Variants in CPPED1 observed in about 807,000 individuals in gnomAD.
The protein encoded by CPPED1 is serine/threonine-protein phosphatase CPPED1.
A neutral mutation model predicts 28.0 loss-of-function variants in CPPED1; 28 were observed. That is an observed-to-expected ratio of 1.00 (90% CI 0.74 to 1.37). The LOEUF is 1.37. Among genes scored for constraint, CPPED1 ranks in the 40% most tolerant of loss-of-function variants. The probability of loss-of-function intolerance (pLI) is 0.00; values close to 1 mark genes in which losing one functional copy is unlikely to be tolerated. For missense variants in CPPED1, 504 were observed against 416.5 expected (o/e 1.21, Z -1.83); for synonymous variants, 198 against 180.2 (o/e 1.10, Z -0.79).
chr16:12,701,662 G>A (rs2080021568), intron 3 of CPPED1, among the ~76,000 whole-genome samples: 1 of 152,158 alleles, frequency 6.6e-6, no homozygotes, highest in Admixed American at 6.5e-5. Flanking sequence ...GGGGTGGAGG[G>A]AAGCCTCATG....
intron 1 of CPPED1, among the ~76,000 whole-genome samples, chr16:12,802,332 T>A (rs1374562947): frequency 1.3e-5 from 2 of 152,180 alleles, no homozygotes; most frequent in Non-Finnish European, 2.9e-5. Flanking sequence ...CCGGGCGCGG[T>A]GGCTCAGGTC....
chr16:12,765,137 T>C (rs1233294280), intron 2 of CPPED1, among the ~76,000 whole-genome samples: 1 of 152,250 alleles, frequency 6.6e-6, no homozygotes, highest in Non-Finnish European at 1.5e-5. Context: ...CCAGAGAATT[T>C]ATGGAGCCAT....
intron 2 of CPPED1, among the ~76,000 whole-genome samples, chr16:12,710,557 C>T (rs2080074865): frequency 6.6e-6 from 1 of 151,252 alleles, no homozygotes; most frequent in African/African-American, 2.4e-5. Flanking sequence ...AAGTGCAAAC[C>T]ACAGAATGGG....
intron 1 of CPPED1, among the ~76,000 whole-genome samples, chr16:12,783,371 TC>T (rs1395488859): frequency 6.6e-6 from 1 of 151,784 alleles, no homozygotes; most frequent in East Asian, 1.9e-4. Flanking sequence ...TGGTGGTGCA[TC>T]CCTATAGTCT....
chr16:12,713,687 A>G (rs2080092009), intron 2 of CPPED1, among the ~76,000 whole-genome samples: 1 of 152,132 alleles, frequency 6.6e-6, no homozygotes, highest in Non-Finnish European at 1.5e-5. Context: ...CAATCTTACT[A>G]AAATATGATA....
chr16:12,687,544 G>A (rs1006926934), intron 3 of CPPED1, among the ~76,000 whole-genome samples: 4 of 152,164 alleles, frequency 2.6e-5, no homozygotes, highest in Admixed American at 2.0e-4. Flanking sequence ...GCTGAGGTGG[G>A]CAGATCACTT....
At chr16:12,785,250 T>C (rs1016405134) in intron 1 of CPPED1, among the ~76,000 whole-genome samples, 4 of 152,154 alleles carry the variant, frequency 2.6e-5, no homozygotes, top group South Asian at 2.1e-4. Context: ...TGAATTGTGT[T>C]TTTTTAATTT....
At chr16:12,727,497 C>T (rs369468312) in intron 2 of CPPED1, among the ~76,000 whole-genome samples, 20 of 152,078 alleles carry the variant, frequency 1.3e-4, no homozygotes, top group East Asian at 7.7e-4. Context: ...AGACCACAGG[C>T]GTATACCACC....
chr16:12,773,739 T>TA (rs1439925317), intron 2 of CPPED1, among the ~76,000 whole-genome samples: 3 of 151,918 alleles, frequency 2.0e-5, no homozygotes. Context: ...TAAAAATACA[T>TA]AAAAATACAC....
At chr16:12,675,974 C>T (rs1054202563) in intron 3 of CPPED1, among the ~76,000 whole-genome samples, 6 of 152,164 alleles carry the variant, frequency 3.9e-5, no homozygotes, top group African/African-American at 1.4e-4. Flanking sequence ...AAAGGGGAAG[C>T]GACAGATGTT....
At chr16:12,786,821 G>A (rs988424578) in intron 1 of CPPED1, among the ~76,000 whole-genome samples, 1 of 152,132 alleles carries the variant, frequency 6.6e-6, no homozygotes, top group Non-Finnish European at 1.5e-5. Flanking sequence ...CAGGAGGCCG[G>A]AGAATCTCTT....
chr16:12,801,340 G>A (rs1046282019), intron 1 of CPPED1, among the ~76,000 whole-genome samples: 4 of 152,168 alleles, frequency 2.6e-5, no homozygotes, highest in Admixed American at 6.5e-5. Context: ...TGATCCACCC[G>A]CCTCAGTCTC....
intron 2 of CPPED1, among the ~76,000 whole-genome samples, chr16:12,716,557 A>T (rs1168968125): frequency 6.6e-6 from 1 of 152,232 alleles, no homozygotes; most frequent in Non-Finnish European, 1.5e-5. Flanking sequence ...GTCTGAACTC[A>T]GGTGTTTGTG....
chr16:12,714,653 A>G (rs1386338390), intron 2 of CPPED1, among the ~76,000 whole-genome samples: 2 of 152,160 alleles, frequency 1.3e-5, no homozygotes, highest in Admixed American at 6.5e-5. Context: ...TTTCATTATT[A>G]ATATTTAGTT....
At position 12,664,518 on chromosome 16, in the gene CPPED1, G is replaced by T; in HGVS notation, c.*368C>A. 9.3e-7 allele frequency: 1 copy of T among 1,069,544 alleles called. No individual in the cohort carries two copies. Among genetic ancestry groups the T allele is most frequent in the Non-Finnish European group, 1.1e-6 (1 of 883,750 alleles). 66.3% of individuals were successfully genotyped at this position (1,069,544 alleles called of 1,614,324 possible). On this transcript the variant is annotated 3_prime_UTR_variant, in exon 4 of 4. Coordinates refer to ENST00000381774, the MANE Select transcript of CPPED1 (RefSeq NM_018340.3). This position sits in a 1 kb window ranked among gnomAD's most constrained non-coding sequence, Gnocchi z 4.2. Reference sequence around the variant, plus strand: ...TAAGGAATTATCAAAGATCATACTTGGCTGTCAGATTGGAATTGAGGTCGA... The same window carrying T: ...TAAGGAATTATCAAAGATCATACTTTGCTGTCAGATTGGAATTGAGGTCGA...
At position 12,755,999 on chromosome 16, in the gene CPPED1, C is replaced by T. The variant is rs977757113; in HGVS notation, c.289+25186G>A. Among the ~76,000 whole-genome samples the T allele has an allele frequency of 6.8e-4, 104 of 152,172 alleles. 1 individual carries two copies. Among genetic ancestry groups the T allele is most frequent in the African/African-American group, 2.4e-3 (98 of 41,496 alleles). ...ACAAAAAATTAGCCGGGCGTGGTCGCGGGCACCTGTAGTCCCAGCTACTCG... is the reference window on the plus strand; with the variant it reads ...ACAAAAAATTAGCCGGGCGTGGTCGTGGGCACCTGTAGTCCCAGCTACTCG... On this transcript the variant is annotated intron_variant, in intron 2 of 3. Coordinates refer to ENST00000381774, the MANE Select transcript of CPPED1 (RefSeq NM_018340.3).
chr16:12,787,216 TTG>T (rs2080568635), intron 1 of CPPED1, among the ~76,000 whole-genome samples: 1 of 152,142 alleles, frequency 6.6e-6, no homozygotes, highest in African/African-American at 2.4e-5. Flanking sequence ...GAAAAAAGAA[TTG>T]ATTAAGATCT....
chr16:12,729,778 A>G (rs1300083573), intron 2 of CPPED1, among the ~76,000 whole-genome samples: 1 of 152,156 alleles, frequency 6.6e-6, no homozygotes, highest in Non-Finnish European at 1.5e-5. Flanking sequence ...AAGGCAGGAA[A>G]CTCTCAAGGA....
chr16:12,757,103 G>T (rs1277432761), intron 2 of CPPED1, among the ~76,000 whole-genome samples: 2 of 152,148 alleles, frequency 1.3e-5, no homozygotes, highest in Non-Finnish European at 2.9e-5. Flanking sequence ...CCTTGAGGGT[G>T]ACCAACTAAG....
Sources: allele counts gnomAD v4.1 joint callset (sites outside exome capture counted in the v4.1 genomes callset), GRCh38; gene constraint gnomAD v4.1.1; non-coding constraint Gnocchi (gnomAD v3.1); transcripts MANE v1.5; gene names NCBI Gene and HGNC (gene_info 2026-07-23, HGNC 2026-07-21).